The following TRIO variants were observed in gnomAD, a reference collection of about 807,000 sequenced individuals.
TRIO encodes triple functional domain protein.
In TRIO, 58 loss-of-function variants were observed where a neutral mutation model predicts 351.9. The ratio of observed to expected loss-of-function variants is 0.16; its 90% CI spans 0.13 to 0.21. The LOEUF (loss-of-function observed/expected upper bound fraction) is 0.21, where lower values mean the gene tolerates loss of function less well. Ranked by LOEUF, TRIO falls within the 10% of genes least tolerant of loss-of-function variation. The probability of loss-of-function intolerance (pLI) is 1.00; values close to 1 mark genes in which losing one functional copy is unlikely to be tolerated. For synonymous variants in TRIO, 1,758 were observed against 1,595.7 expected, an observed-to-expected ratio of 1.10 and a Z score of -2.42; for missense variants, 3,201 against 4,027.8, an observed-to-expected ratio of 0.79 and a Z score of 5.56.
intron 1 of TRIO, among the ~76,000 whole-genome samples, chr5:14,189,592 G>A (rs1253117973): frequency 6.6e-6 from 1 of 152,144 alleles, no homozygotes; most frequent in Admixed American, 6.5e-5. Context: ...AAATTCACAC[G>A]TGAGTGTCGT....
chr5:14,450,179 C>A (rs1752751063), intron 34 of TRIO, among the ~76,000 whole-genome samples: 1 of 152,206 alleles, frequency 6.6e-6, no homozygotes, highest in African/African-American at 2.4e-5. Context: ...GGCCTCATAT[C>A]TCTAGGACTC....
chr5:14,301,617 TC>T (rs1228788482), intron 7 of TRIO, among the ~76,000 whole-genome samples: 1 of 152,010 alleles, frequency 6.6e-6, no homozygotes, highest in Non-Finnish European at 1.5e-5. Context: ...GAAGTACCAG[TC>T]CCCCCTCGTA....
chr5:14,315,635 C>T (rs1435481981), intron 8 of TRIO, among the ~76,000 whole-genome samples: 1 of 152,202 alleles, frequency 6.6e-6, no homozygotes, highest in Non-Finnish European at 1.5e-5. Flanking sequence ...CTACTTAAGA[C>T]ACCTGCATCC....
At chr5:14,277,093 G>A (rs939266869) in intron 2 of TRIO, among the ~76,000 whole-genome samples, 1 of 152,208 alleles carries the variant, frequency 6.6e-6, no homozygotes, top group Admixed American at 6.5e-5. Flanking sequence ...TTCAGCAAAT[G>A]CCAGTCTCAC....
At chr5:14,291,351 C>T (rs1163709860) in intron 5 of TRIO, 123 bp downstream of exon 5, 1 of 1,021,790 alleles carries the variant, frequency 9.8e-7, no homozygotes, top group Non-Finnish European at 1.4e-6. Context: ...GTGCTCTAAA[C>T]CAGCGAGAGT....
Position 14,389,101 on chromosome 5 carries a change from TC to T in TRIO, c.3949-186del, listed in dbSNP as rs371627704. 5.3e-5 allele frequency among the ~76,000 whole-genome samples: 8 copies of T among 152,356 alleles called. No individual in the cohort carries two copies. The East Asian group carries it at 1.3e-3, about 26-fold the overall frequency. On this transcript the variant is annotated intron_variant, in intron 24 of 56. Transcript: ENST00000344204. Reference sequence around the variant, plus strand: ...TTTTAGAGTTGAAAAGTATAGGAACTCCTCTCAAGTATTAACAGCAACTGAG... The same window carrying T: ...TTTTAGAGTTGAAAAGTATAGGAACTCTCTCAAGTATTAACAGCAACTGAG...
intron 34 of TRIO, among the ~76,000 whole-genome samples, chr5:14,437,607 G>A (rs1265240530): frequency 4.0e-5 from 6 of 151,868 alleles, no homozygotes; most frequent in Admixed American, 3.9e-4. Flanking sequence ...GGCTTGCAGA[G>A]GCAAGAACTT....
intron 1 of TRIO, among the ~76,000 whole-genome samples, chr5:14,257,627 T>C (rs1164246458): frequency 1.3e-5 from 2 of 152,150 alleles, no homozygotes; most frequent in Non-Finnish European, 2.9e-5. Context: ...GACTTTCCCA[T>C]TGCCTTATAG....
At position 14,401,479 on chromosome 5, in the gene TRIO, C is replaced by T. The variant is rs1748062834; in HGVS notation, c.4716+415C>T. Among the ~76,000 whole-genome samples the T allele has an allele frequency of 2.0e-5, 3 of 152,254 alleles. No homozygotes were observed. In the South Asian group the frequency reaches 6.2e-4, roughly 32 times the overall value. On this transcript the variant is annotated intron_variant, in intron 31 of 56. Coordinates refer to ENST00000344204, the MANE Select transcript of TRIO (RefSeq NM_007118.4). ...TGTTTGAGGACCTGCGACAGGAAGT[C>T]GAGGCCAACCGTACCCACAGTCCTT...
chr5:14,276,357 A>G (rs984340318), intron 2 of TRIO, among the ~76,000 whole-genome samples: 2 of 152,258 alleles, frequency 1.3e-5, no homozygotes, highest in Admixed American at 6.5e-5. Flanking sequence ...GAAATACTCC[A>G]TGAGCCAATT....
intron 5 of TRIO, 108 bp from the exon 6 acceptor site, chr5:14,292,904 T>C: frequency 6.7e-7 from 1 of 1,493,962 alleles, no homozygotes; most frequent in Non-Finnish European, 9.1e-7. Context: ...GCGCTTGAAG[T>C]TGTCCAGGGA....
In TRIO at chr5:14,381,257, G is replaced by T; in HGVS notation, c.3570+5G>T. On this transcript the variant is annotated splice_donor_5th_base_variant and intron_variant, in intron 21 of 56. Coordinates refer to ENST00000344204, the MANE Select transcript of TRIO (RefSeq NM_007118.4). The stretch of plus-strand genomic sequence containing the variant: ...GAGTTCCAGATAACTGCAAAGGTGG[G>T]TTCAGAGTGTACTTTGTATAGTGGC... 1 of 1,605,236 alleles carries T rather than the reference G, an allele frequency of 6.2e-7. No individual in the cohort carries two copies. Among genetic ancestry groups the T allele is most frequent in the Non-Finnish European group, 8.5e-7 (1 of 1,177,408 alleles).
At chr5:14,312,791 G>A (rs184953057) in intron 8 of TRIO, among the ~76,000 whole-genome samples, 63 of 152,156 alleles carry the variant, frequency 4.1e-4, no homozygotes, top group African/African-American at 1.5e-3. Flanking sequence ...GAATTTTTTT[G>A]TCTGCTCTAT....
rs1491356148 is a variant in TRIO, at chr5:14,230,339, T to TG, written c.158-40486_158-40485insG. 7.8e-3 allele frequency among the ~76,000 whole-genome samples: 840 copies of TG among 107,944 alleles called. 13 individuals are homozygous for TG. The highest frequency in any genetic ancestry group is 0.024 in the African/African-American group (793 of 33,174). The allele number at this position is 107,944 out of a possible 152,430, so 70.8% of individuals were successfully genotyped here. A position where few individuals can be genotyped will look rare whatever the true frequency, so the allele number is the denominator to read the frequency against. ...GGAAATTGGAAAGTCAGGCAAGATGTTTGTGTGTGTGTGTGTGTGTGTGTG... is the reference window on the plus strand; with the variant it reads ...GGAAATTGGAAAGTCAGGCAAGATGTGTTGTGTGTGTGTGTGTGTGTGTGTG... On this transcript the variant is annotated intron_variant, in intron 1 of 56. Transcript: ENST00000344204.
In TRIO at chr5:14,366,918, G is replaced by C. The variant is rs1744649258; in HGVS notation, c.2813G>C (p.Ser938Thr). The C allele has an allele frequency of 6.2e-7, 1 of 1,614,102 alleles. No homozygotes were observed. Among genetic ancestry groups the C allele is most frequent in the South Asian group, 1.1e-5 (1 of 91,088 alleles). Residue 938 changes from serine to threonine, a missense_variant, in exon 16 of 57, where the codon AGC (serine) becomes ACC (threonine). Physicochemically the swap from Ser to Thr is moderately conservative, Grantham distance 58. Around this residue, in one of 19 missense-constraint regions of TRIO, gnomAD observed 363 missense variants for 553.5 expected, o/e 0.66. Coordinates refer to ENST00000344204, the MANE Select transcript of TRIO (RefSeq NM_007118.4). ...SMLNAGLITA[S>T]SLQEAEQLQR... ...TTAAATGCCGGACTTATCACAGCCA[G>C]CTCGTTACAAGAGGCAGAGCAGCTC...
At chr5:14,488,295 C>G (rs973993053) in intron 48 of TRIO, 35 bp downstream of exon 48, 2 of 1,521,798 alleles carry the variant, frequency 1.3e-6, no homozygotes, top group African/African-American at 1.4e-5. Context: ...CCTCCCGCCC[C>G]CCTGCCTCTG....
At chr5:14,348,213 G>A (rs1742613659) in intron 11 of TRIO, among the ~76,000 whole-genome samples, 1 of 152,238 alleles carries the variant, frequency 6.6e-6, no homozygotes, top group African/African-American at 2.4e-5. Flanking sequence ...CTTGAGGAGT[G>A]TGAGAGTAAT....
chr5:14,273,501 C>G (rs1191364412), intron 2 of TRIO, among the ~76,000 whole-genome samples: 2 of 152,192 alleles, frequency 1.3e-5, no homozygotes, highest in African/African-American at 4.8e-5. Context: ...TTTGATGGAT[C>G]ACCTCCAAAA....
chr5:14,224,061 T>C (rs929525568), intron 1 of TRIO, among the ~76,000 whole-genome samples: 1 of 152,226 alleles, frequency 6.6e-6, no homozygotes. Flanking sequence ...GTTTTTGATA[T>C]ATGCTACCAA....
Sources: gnomAD v4.1 joint callset for allele counts (sites outside exome capture counted in the v4.1 genomes callset) on GRCh38, gnomAD v4.1.1 for gene constraint, gnomAD v4.1.1 regional missense constraint, MANE v1.5 for transcripts, NCBI Gene and HGNC (gene_info 2026-07-23, HGNC 2026-07-21) for gene names.